Variants in TBC1D8 observed in about 807,000 individuals in gnomAD.
TBC1D8 encodes TBC1 domain family member 8.
TBC1D8 carries 65 observed loss-of-function variants against 118.8 expected under a neutral mutation model. That is an observed-to-expected ratio of 0.55 (90% confidence interval 0.45 to 0.67). The LOEUF is 0.67. Ranked by LOEUF, TBC1D8 falls within the 30% of genes least tolerant of loss-of-function variation. TBC1D8 has a pLI of 0.00. For missense variants in TBC1D8, 1,376 were observed against 1,471.2 expected, an observed-to-expected ratio of 0.94 and a Z score of 1.06; for synonymous variants, 566 against 595.8, an observed-to-expected ratio of 0.95 and a Z score of 0.73.
At chr2:101,103,461 G>A (rs1046499137) in intron 1 of TBC1D8, among the ~76,000 whole-genome samples, 3 of 149,062 alleles carry the variant, frequency 2.0e-5, no homozygotes, top group African/African-American at 5.0e-5. Flanking sequence ...GCACTATCTC[G>A]GCTCACTGCA....
At chr2:101,071,815 T>A (rs1674454445) in intron 2 of TBC1D8, among the ~76,000 whole-genome samples, 1 of 152,158 alleles carries the variant, frequency 6.6e-6, no homozygotes, top group Non-Finnish European at 1.5e-5. Flanking sequence ...TTAAAAGTGT[T>A]TTTAAAGATC....
intron 17 of TBC1D8, chr2:101,019,598 C>T (rs1447516682): frequency 1.3e-5 from 2 of 152,558 alleles, no homozygotes; most frequent in Non-Finnish European, 2.9e-5. Flanking sequence ...TTCCACTGAA[C>T]TTGATTTAAA....
chr2:101,134,083 AG>A, intron 1 of TBC1D8, among the ~76,000 whole-genome samples: 1 of 152,172 alleles, frequency 6.6e-6, no homozygotes, highest in East Asian at 1.9e-4. Context: ...GGGGACACAG[AG>A]CCAAACCCTA....
intron 1 of TBC1D8, among the ~76,000 whole-genome samples, chr2:101,102,458 T>TAA (rs746167116): frequency 7.6e-6 from 1 of 131,744 alleles, no homozygotes; most frequent in African/African-American, 2.7e-5. Flanking sequence ...CATAAAAAGT[T>TAA]AAAAAAAAAA....
At position 101,032,313 on chromosome 2, in the gene TBC1D8, C is replaced by A; in HGVS notation, c.1891G>T (p.Val631Leu). 1 of 1,613,894 alleles carries A rather than the reference C, an allele frequency of 6.2e-7. No homozygotes were observed. The highest frequency in any genetic ancestry group is 1.1e-5 in the South Asian group (1 of 91,072). ...TAATCGGGCAGCATCCGCTCACACA[C>A]AGCAACCAACAGCCAGAAGGCTTCC... ...EEEAFWLLVA[V>L]CERMLPDYFN... The change falls in exon 11 of 20, where the codon GTG becomes TTG. Residue 631 changes from valine (V) to leucine (L), a missense_variant. Transcript: ENST00000409318.
intron 1 of TBC1D8, among the ~76,000 whole-genome samples, chr2:101,108,539 G>A (rs368627450): frequency 5.9e-5 from 9 of 152,236 alleles, no homozygotes; most frequent in African/African-American, 1.2e-4. Flanking sequence ...GCGCGTCTCC[G>A]AGGTCTGCTT....
rs530772044 is a variant in TBC1D8, at chr2:101,097,704, C to CA, written c.128-7341dup. On this transcript the variant is annotated intron_variant, in intron 1 of 19. Coordinates refer to ENST00000409318, the MANE Select transcript of TBC1D8 (RefSeq NM_001330348.2). ...CCCATCTCACTTTTTACATTTTTCA[C>CA]AAAAAATGTAAAAATTAGCCAGGCA... Among the ~76,000 whole-genome samples the CA allele has an allele frequency of 1.7e-3, 254 of 152,098 alleles. 3 individuals are homozygous for CA. The highest frequency in any genetic ancestry group is 3.9e-3 in the East Asian group (20 of 5,170).
chr2:101,072,312 A>ATGGCAGAAGGCAAAGGGGGAGCAGGTG (rs1674502896), intron 2 of TBC1D8, among the ~76,000 whole-genome samples: 1 of 152,178 alleles, frequency 6.6e-6, no homozygotes, highest in African/African-American at 2.4e-5. Flanking sequence ...GCTTACAATC[A>ATGGCAGAAGGCAAAGGGGGAGCAGGTG]TGGCAGAAGG....
chr2:101,108,109 G>T (rs1677344360), intron 1 of TBC1D8, among the ~76,000 whole-genome samples: 1 of 150,780 alleles, frequency 6.6e-6, no homozygotes, highest in Admixed American at 6.6e-5. Flanking sequence ...GGAGGGGAGG[G>T]GAGAATGTAC....
At chr2:101,062,381 C>CATGG (rs910050002) in intron 2 of TBC1D8, among the ~76,000 whole-genome samples, 2 of 151,464 alleles carry the variant, frequency 1.3e-5, no homozygotes, top group African/African-American at 4.9e-5. Flanking sequence ...TATTTGTTTT[C>CATGG]ATGGACTCAT....
intron 12 of TBC1D8, among the ~76,000 whole-genome samples, chr2:101,029,269 G>A (rs989561938): frequency 6.6e-6 from 1 of 152,082 alleles, no homozygotes. Context: ...GGTTCCTGTA[G>A]TCCCAGCTAC....
intron 2 of TBC1D8, among the ~76,000 whole-genome samples, chr2:101,088,821 C>T (rs551437004): frequency 3.9e-5 from 6 of 152,294 alleles, no homozygotes; most frequent in South Asian, 2.1e-4. Context: ...ATCCTCCCTC[C>T]TCAGCCTCCC....
intron 17 of TBC1D8, chr2:101,017,993 T>C (rs1451327428): frequency 1.1e-5 from 16 of 1,473,338 alleles, no homozygotes; most frequent in Non-Finnish European, 1.5e-5. Context: ...GTTCCAATGC[T>C]CGCAATTCTA....
chr2:101,012,627 A>C (rs201673463), intron 17 of TBC1D8, among the ~76,000 whole-genome samples: 2 of 75,232 alleles, frequency 2.7e-5, no homozygotes, highest in African/African-American at 4.4e-5. Context: ...TGAATATACA[A>C]AAAAAAAAAA....
At chr2:101,040,705 G>C (rs1681331756) in intron 5 of TBC1D8, among the ~76,000 whole-genome samples, 1 of 152,074 alleles carries the variant, frequency 6.6e-6, no homozygotes. Context: ...CCTGACCTCA[G>C]GTGATCCACC....
intron 2 of TBC1D8, among the ~76,000 whole-genome samples, chr2:101,079,889 T>G (rs1470532455): frequency 6.6e-6 from 1 of 151,918 alleles, no homozygotes; most frequent in African/African-American, 2.4e-5. Flanking sequence ...GGTTTCACTG[T>G]GTTAGCTAGG....
In TBC1D8 at chr2:101,037,897, G is replaced by A. The variant is rs562875457; in HGVS notation, c.1276-189C>T. On this transcript the variant is annotated intron_variant, in intron 7 of 19. Coordinates refer to ENST00000409318, the MANE Select transcript of TBC1D8 (RefSeq NM_001330348.2). ...AAGACACAGTCCCACTGCATGCTCC[G>A]GGTGAGGCTGTCCCGGTCCCCAGAA... Among the ~76,000 whole-genome samples the A allele has an allele frequency of 6.8e-4, 104 of 152,106 alleles. 1 individual carries two copies. Among genetic ancestry groups the A allele is most frequent in the Non-Finnish European group, 1.2e-3 (84 of 68,014 alleles).
rs1680096476 is a variant in TBC1D8, at chr2:101,022,488, G to C, written c.2554C>G (p.Pro852Ala). Residue 852 changes from proline to alanine, a missense_variant, in exon 16 of 20, where the codon CCC becomes GCC. Physicochemically the swap from Pro to Ala is conservative, Grantham distance 27. Transcript: ENST00000409318. ...TCGTGGCGTGAGGCCATGGGCCTGGGCTGCTCCCAGTAACAGCTCATCATA... is the reference window on the plus strand; with the variant it reads ...TCGTGGCGTGAGGCCATGGGCCTGGCCTGCTCCCAGTAACAGCTCATCATA... Reference protein sequence around the residue: ...EHMMSCYWEQPRPMASRHDPS... With the variant: ...EHMMSCYWEQARPMASRHDPS... 1.2e-6 allele frequency: 2 copies of C among 1,602,244 alleles called. No homozygotes were observed. The highest frequency in any genetic ancestry group is 1.7e-6 in the Non-Finnish European group (2 of 1,176,842).
intron 10 of TBC1D8, 23 bp from the exon 11 acceptor site, chr2:101,032,408 A>C (rs1680723268): frequency 6.3e-7 from 1 of 1,596,976 alleles, no homozygotes; most frequent in East Asian, 2.2e-5. Context: ...CAAGGAGGGC[A>C]GTTACTGACT....
Sources: gnomAD v4.1 joint callset for allele counts (sites outside exome capture counted in the v4.1 genomes callset) on GRCh38, gnomAD v4.1.1 for gene constraint, MANE v1.5 for transcripts, NCBI Gene and HGNC (gene_info 2026-07-23, HGNC 2026-07-21) for gene names.